PDE4D: variants seen among roughly 807,000 people sequenced by gnomAD.
PDE4D encodes the protein 3',5'-cyclic-AMP phosphodiesterase 4D.
PDE4D carries 24 observed loss-of-function variants against 87.4 expected under a neutral mutation model. That is an observed-to-expected ratio of 0.27 (90% CI 0.20 to 0.39). PDE4D has a LOEUF of 0.39. Among genes scored for constraint, PDE4D ranks in the 10% least tolerant of loss-of-function variants. The pLI, the probability that PDE4D is intolerant of heterozygous loss-of-function variation, is 1.00. For missense variants in PDE4D, 714 were observed against 1,041.0 expected (o/e 0.69, Z 4.32); for synonymous variants, 384 against 383.2 (o/e 1.00, Z -0.02).
rs1002541455 is a variant in PDE4D at position 59,938,056 on chromosome 5, G to C, written c.272+50432C>G. On this transcript the variant is annotated intron_variant, in intron 3 of 16. Transcript: ENST00000502484. The stretch of plus-strand genomic sequence containing the variant: ...GTTTTCTATTAGTGGAACTGTAACA[G>C]CATGACTTTTCCTTTTCCAAAACCA... Among the ~76,000 whole-genome samples, 156 of 152,162 alleles carry C rather than the reference G, an allele frequency of 1.0e-3. 1 individual carries two copies. Among genetic ancestry groups the C allele is most frequent in the African/African-American group, 3.6e-3 (148 of 41,430 alleles).
At chr5:59,430,588 C>T (rs1019114076) in intron 1 of PDE4D, 8 of 415,512 alleles carry the variant, frequency 1.9e-5, no homozygotes, top group Non-Finnish European at 2.8e-5. Flanking sequence ...GCTAAATGTA[C>T]TACCTTGTTT....
chr5:59,916,140 T>C (rs889682316), intron 3 of PDE4D, among the ~76,000 whole-genome samples: 1 of 152,156 alleles, frequency 6.6e-6, no homozygotes, highest in Non-Finnish European at 1.5e-5. Flanking sequence ...AACTTTTATA[T>C]AATATTTGAA....
chr5:60,260,008 G>A (rs1048622025), intron 1 of PDE4D, among the ~76,000 whole-genome samples: 1 of 151,956 alleles, frequency 6.6e-6, no homozygotes, highest in African/African-American at 2.4e-5. Context: ...GCCTCTTAAA[G>A]ATCTGAAGAT....
intron 1 of PDE4D, among the ~76,000 whole-genome samples, chr5:59,494,459 C>T (rs1245376323): frequency 2.0e-5 from 3 of 152,036 alleles, no homozygotes; most frequent in South Asian, 2.1e-4. Flanking sequence ...GCAAACAAAA[C>T]AAAACAAAAC....
intron 6 of PDE4D, among the ~76,000 whole-genome samples, chr5:59,037,867 T>C (rs1176483123): frequency 6.6e-6 from 1 of 151,680 alleles, no homozygotes; most frequent in Non-Finnish European, 1.5e-5. Flanking sequence ...TTTAAAGATA[T>C]GTGCACATAG....
chr5:60,163,702 C>T (rs772172486), intron 2 of PDE4D, among the ~76,000 whole-genome samples: 3 of 152,146 alleles, frequency 2.0e-5, no homozygotes, highest in Non-Finnish European at 2.9e-5. Context: ...ACTAGCACTG[C>T]CAAGTCTGTA....
chr5:59,649,363 T>C (rs1021891327), intron 1 of PDE4D, among the ~76,000 whole-genome samples: 1 of 151,950 alleles, frequency 6.6e-6, no homozygotes, highest in Non-Finnish European at 1.5e-5. Flanking sequence ...CATGCAGAAG[T>C]GTGAGCCGGG....
rs1480339343 is a variant in PDE4D at position 59,291,904 on chromosome 5, T to C, written c.456-75936A>G. On this transcript the variant is annotated intron_variant, in intron 1 of 14. Coordinates refer to ENST00000340635, the MANE Select transcript of PDE4D (RefSeq NM_001104631.2). The stretch of plus-strand genomic sequence containing the variant: ...GCTAAAAAAATATCCACAAACAACA[T>C]AGAACAGTGATTTTCAGAAGAAGGG... Among the ~76,000 whole-genome samples the C allele has an allele frequency of 2.6e-5, 4 of 151,806 alleles. No individual in the cohort carries two copies. In the South Asian group the frequency reaches 6.2e-4, roughly 24 times the overall value.
intron 1 of PDE4D, among the ~76,000 whole-genome samples, chr5:60,320,185 G>A (rs532140617): frequency 2.0e-5 from 3 of 152,336 alleles, no homozygotes; most frequent in South Asian, 2.1e-4. Flanking sequence ...GCAATGGCGG[G>A]AGCCCCTCCC....
intron 5 of PDE4D, among the ~76,000 whole-genome samples, chr5:59,096,040 G>T (rs1769640499): frequency 6.6e-6 from 1 of 152,210 alleles, no homozygotes; most frequent in Non-Finnish European, 1.5e-5. Context: ...AATAAAGGGA[G>T]TGGGAGCATC....
intron 1 of PDE4D, among the ~76,000 whole-genome samples, chr5:59,717,642 C>T (rs1175359220): frequency 1.3e-5 from 2 of 152,180 alleles, no homozygotes; most frequent in African/African-American, 4.8e-5. Context: ...AAACTGAGGA[C>T]AGCTCTTCAC....
chr5:59,480,925 T>C (rs960354658), intron 1 of PDE4D, among the ~76,000 whole-genome samples: 1 of 152,162 alleles, frequency 6.6e-6, no homozygotes, highest in East Asian at 1.9e-4. Flanking sequence ...TCGGCTTTAG[T>C]GTTTGCAGAG....
intron 1 of PDE4D, among the ~76,000 whole-genome samples, chr5:59,892,796 G>C (rs1306009216): frequency 6.6e-6 from 1 of 151,894 alleles, no homozygotes; most frequent in Non-Finnish European, 1.5e-5. Flanking sequence ...TCCACCCAGA[G>C]CAAACTGATT....
chr5:59,580,648 G>T (rs970070095), intron 1 of PDE4D, among the ~76,000 whole-genome samples: 15 of 151,920 alleles, frequency 9.9e-5, no homozygotes, highest in African/African-American at 3.4e-4. Flanking sequence ...TAAAAAAATA[G>T]AGAGAGAGAC....
At chr5:59,139,039 A>G (rs989403894) in intron 5 of PDE4D, among the ~76,000 whole-genome samples, 7 of 152,172 alleles carry the variant, frequency 4.6e-5, no homozygotes, top group African/African-American at 1.7e-4. Flanking sequence ...GAGACTGAAC[A>G]ATATACGCAA....
chr5:59,733,113 C>T (rs1757609487), intron 1 of PDE4D, among the ~76,000 whole-genome samples: 3 of 152,056 alleles, frequency 2.0e-5, no homozygotes, highest in African/African-American at 7.2e-5. Flanking sequence ...GAAAATAACA[C>T]TTATTTACAG....
intron 3 of PDE4D, among the ~76,000 whole-genome samples, chr5:59,937,469 T>C (rs1330482897): frequency 6.6e-6 from 1 of 152,212 alleles, no homozygotes; most frequent in East Asian, 1.9e-4. Context: ...CTCACAGTTC[T>C]AGAGGCTGCA....
chr5:60,143,426 C>T (rs907167657), intron 2 of PDE4D, among the ~76,000 whole-genome samples: 1 of 152,148 alleles, frequency 6.6e-6, no homozygotes, highest in African/African-American at 2.4e-5. Context: ...ACACATTAGA[C>T]ACACATATAT....
chr5:59,428,114 T>C (rs925772105), intron 1 of PDE4D, among the ~76,000 whole-genome samples: 3 of 152,158 alleles, frequency 2.0e-5, no homozygotes, highest in Non-Finnish European at 4.4e-5. Flanking sequence ...AATTAAATGA[T>C]CATGTGGTCA....
Sources: allele counts gnomAD v4.1 joint callset (sites outside exome capture counted in the v4.1 genomes callset), GRCh38; gene constraint gnomAD v4.1.1; transcripts MANE v1.5; gene names NCBI Gene and HGNC (gene_info 2026-07-23, HGNC 2026-07-21).